Variants in GATA3 observed in about 807,000 individuals in gnomAD.
The protein encoded by GATA3 is trans-acting T-cell-specific transcription factor GATA-3.
In GATA3, 6 loss-of-function variants were observed where a neutral mutation model predicts 36.0. That is an observed-to-expected ratio of 0.17 (90% confidence interval 0.09 to 0.33). The LOEUF (loss-of-function observed/expected upper bound fraction) is 0.33. Among genes scored for constraint, GATA3 ranks in the 10% least tolerant of loss-of-function variants. GATA3 has a pLI of 1.00. For missense variants in GATA3, 514 were observed against 610.1 expected (o/e 0.84, Z 1.66); for synonymous variants, 326 against 273.0 (o/e 1.19, Z -1.92).
chr10:8,069,124 C>A (rs938755669), intron 4 of GATA3, among the ~76,000 whole-genome samples: 3 of 152,134 alleles, frequency 2.0e-5, no homozygotes, highest in Non-Finnish European at 2.9e-5. Context: ...CTGGCTAATT[C>A]AAAATTGCCA....
At chr10:8,069,448 C>T in intron 4 of GATA3, 25 bp from the exon 5 acceptor site, 2 of 1,608,916 alleles carry the variant, frequency 1.2e-6, no homozygotes, top group Non-Finnish European at 1.7e-6. Flanking sequence ...TTTGATTTCA[C>T]CCTCTCCTCT....
intron 2 of GATA3, among the ~76,000 whole-genome samples, 156 bp downstream of exon 2, chr10:8,056,052 C>A (rs565367411): frequency 6.6e-6 from 1 of 152,196 alleles, no homozygotes; most frequent in African/African-American, 2.4e-5. Flanking sequence ...CGGAAATGGG[C>A]GAGGAAGGCC....
At position 8,074,201 on chromosome 10, in the gene GATA3, A is replaced by G. The variant is rs987921041; in HGVS notation, c.*178A>G. The G allele has an allele frequency of 1.5e-6, 1 of 672,766 alleles. No homozygotes were observed. 41.7% of individuals were successfully genotyped at this position (672,766 alleles called of 1,614,324 possible). A position where few individuals can be genotyped will look rare whatever the true frequency, so the allele number is the denominator to read the frequency against. ...AGCTCACTGTGGTGTCTGTGTTCCA[A>G]CCACTGAATCTGGACCCCATCTGTG... is the stretch of plus-strand genomic sequence containing the variant. On this transcript the variant is annotated 3_prime_UTR_variant, in exon 6 of 6. Coordinates refer to ENST00000379328, the MANE Select transcript of GATA3 (RefSeq NM_001002295.2).
At chr10:8,059,958 C>A (rs78610022) in intron 3 of GATA3, among the ~76,000 whole-genome samples, 158 of 152,250 alleles carry the variant, frequency 1.0e-3, no homozygotes, top group Middle Eastern at 3.4e-3. Context: ...CTCTACAGAT[C>A]CTATATAGAA....
intron 5 of GATA3, among the ~76,000 whole-genome samples, chr10:8,071,451 T>C (rs1160504064): frequency 6.6e-6 from 1 of 152,226 alleles, no homozygotes; most frequent in Non-Finnish European, 1.5e-5. Flanking sequence ...TTTTGAATAG[T>C]TAGCTGGGAT....
In GATA3 at chr10:8,068,518, G is replaced by A. The variant is rs757278650; in HGVS notation, c.925-955G>A. Among the ~76,000 whole-genome samples the A allele has an allele frequency of 3.9e-5, 6 of 152,314 alleles. No homozygotes were observed. The East Asian group carries it at 5.8e-4, about 15-fold the overall frequency. On this transcript the variant is annotated intron_variant, in intron 4 of 5. Coordinates refer to ENST00000379328, the MANE Select transcript of GATA3 (RefSeq NM_001002295.2). ...TGTAATACCGGCACTTTGGGAGGCC[G>A]AGGCAGGTGGATCACTTGAGGTCAG...
intron 2 of GATA3, 146 bp downstream of exon 2, chr10:8,056,042 C>T: frequency 9.0e-7 from 1 of 1,105,014 alleles, no homozygotes; most frequent in South Asian, 1.4e-5. Context: ...AATTGGGGCC[C>T]GGAAATGGGC....
At chr10:8,066,169 T>C (rs1269122063) in intron 4 of GATA3, among the ~76,000 whole-genome samples, 2 of 152,086 alleles carry the variant, frequency 1.3e-5, no homozygotes, top group African/African-American at 4.8e-5. Context: ...TTTGACATTT[T>C]CTTGGGTCTT....
At chr10:8,054,051 G>C (rs1402746675), upstream of GATA3, among the ~76,000 whole-genome samples, 4 of 152,186 alleles carry the variant, frequency 2.6e-5, no homozygotes, top group Non-Finnish European at 5.9e-5. The surrounding 1 kb of genome is among the most constrained non-coding windows in gnomAD (Gnocchi z 4.2). Context: ...AGGTGACAAT[G>C]ACAACAAAAT....
chr10:8,057,051 GGGGCGCTCTTTGCCCACGTTCT>G (rs1218042281), intron 2 of GATA3, among the ~76,000 whole-genome samples: 2 of 152,180 alleles, frequency 1.3e-5, no homozygotes, highest in African/African-American at 4.8e-5. Context: ...TTCTGCGGAT[GGGGCGCTCTTTGCCCACGTTCT>G]GTGCGGATCA....
chr10:8,053,064 T>C (rs557773731), upstream of GATA3: 4 of 152,302 alleles, frequency 2.6e-5, no homozygotes, highest in East Asian at 7.7e-4. The surrounding 1 kb of genome is among the most constrained non-coding windows in gnomAD (Gnocchi z 5.1). Context: ...CTTCTTCCAA[T>C]ACATTTCACT....
chr10:8,048,908 G>C (rs1832425826), upstream of GATA3, among the ~76,000 whole-genome samples: 1 of 151,928 alleles, frequency 6.6e-6, no homozygotes, highest in Non-Finnish European at 1.5e-5. Context: ...AGTGGCGGTG[G>C]GAGGGTCAGG....
At chr10:8,054,437 G>T (rs866927433), upstream of GATA3, among the ~76,000 whole-genome samples, 9 of 152,092 alleles carry the variant, frequency 5.9e-5, no homozygotes, top group Non-Finnish European at 1.2e-4. This position sits in a 1 kb window ranked among gnomAD's most constrained non-coding sequence, Gnocchi z 4.2. Context: ...CCCAAGCCCC[G>T]CGGGCCTCGC....
chr10:8,059,669 G>A (rs912523066), intron 3 of GATA3, among the ~76,000 whole-genome samples: 1 of 152,204 alleles, frequency 6.6e-6, no homozygotes, highest in Non-Finnish European at 1.5e-5. Context: ...TGCAAACGCT[G>A]CCTAGCAGCA....
At chr10:8,059,597 A>G (rs969494224) in intron 3 of GATA3, among the ~76,000 whole-genome samples, 1 of 152,202 alleles carries the variant, frequency 6.6e-6, no homozygotes, top group Non-Finnish European at 1.5e-5. Flanking sequence ...AGGAGGTAGA[A>G]AGGAACGGAA....
intron 5 of GATA3, among the ~76,000 whole-genome samples, chr10:8,070,735 C>T (rs573097060): frequency 6.6e-6 from 1 of 152,296 alleles, no homozygotes; most frequent in East Asian, 1.9e-4. Context: ...TTCTTTTTCA[C>T]TTCTTGGGAG....
chr10:8,064,496 C>T (rs570730), intron 4 of GATA3, among the ~76,000 whole-genome samples: 90,072 of 151,870 alleles, frequency 0.59, 26,913 homozygotes, highest in South Asian at 0.74. Flanking sequence ...TTTAAGTGCA[C>T]TGATGAGCAC....
chr10:8,071,486 A>G (rs1240297407), intron 5 of GATA3, among the ~76,000 whole-genome samples: 1 of 152,174 alleles, frequency 6.6e-6, no homozygotes, highest in Non-Finnish European at 1.5e-5. Context: ...CTTGTGTCTG[A>G]TCACATATAT....
At chr10:8,067,652 T>G (rs11255507) in intron 4 of GATA3, among the ~76,000 whole-genome samples, 28,709 of 151,998 alleles carry the variant, frequency 0.19, 2,790 homozygotes, top group East Asian at 0.25. Context: ...ACCCCGTCTC[T>G]ACTAAAAATA....
Sources: gnomAD v4.1 joint callset for allele counts (sites outside exome capture counted in the v4.1 genomes callset) on GRCh38, gnomAD v4.1.1 for gene constraint, Gnocchi (gnomAD v3.1) non-coding constraint, MANE v1.5 for transcripts, NCBI Gene and HGNC (gene_info 2026-07-23, HGNC 2026-07-21) for gene names.